KCND2: variants seen among roughly 807,000 people sequenced by gnomAD.
KCND2 encodes potassium voltage-gated channel subfamily D member 2.
Under a neutral mutation model 54.4 loss-of-function variants are expected in KCND2, and 16 were observed. The observed-to-expected ratio is 0.29, with a 90% CI of 0.20 to 0.45. The LOEUF (loss-of-function observed/expected upper bound fraction) is 0.45. Among genes scored for constraint, KCND2 ranks in the 20% least tolerant of loss-of-function variants. The pLI is 1.00. For missense variants in KCND2, 486 were observed against 824.2 expected (o/e 0.59, Z 5.02); for synonymous variants, 317 against 310.7 (o/e 1.02, Z -0.21).
At chr7:120,632,276 C>A (rs1386930389) in intron 1 of KCND2, among the ~76,000 whole-genome samples, 1 of 152,122 alleles carries the variant, frequency 6.6e-6, no homozygotes, top group Admixed American at 6.6e-5. Context: ...TGCACACGTG[C>A]TGAACAGCGA....
At position 120,274,582 on chromosome 7, in the gene KCND2, T is replaced by C. The variant is rs750407287; in HGVS notation, c.-51T>C. On this transcript the variant is annotated 5_prime_UTR_variant, in exon 1 of 6. Coordinates refer to ENST00000331113, the MANE Select transcript of KCND2 (RefSeq NM_012281.3). ...AGTGGGTGACTTTTGGCTGCTTCGG[T>C]GACCCATTGTAGACGCCTCGTTACC... 5 of 1,612,424 alleles carry C rather than the reference T, an allele frequency of 3.1e-6. No individual in the cohort carries two copies. The Admixed American group carries it at 8.3e-5, about 27-fold the overall frequency.
intron 1 of KCND2, among the ~76,000 whole-genome samples, chr7:120,400,120 A>G (rs1801226695): frequency 6.6e-6 from 1 of 152,140 alleles, no homozygotes; most frequent in Admixed American, 6.6e-5. Flanking sequence ...ATAATGCCTT[A>G]CGGAACAGCA....
At chr7:120,602,169 A>T (rs1407686266) in intron 1 of KCND2, among the ~76,000 whole-genome samples, 2 of 152,214 alleles carry the variant, frequency 1.3e-5, no homozygotes, top group East Asian at 1.9e-4. Flanking sequence ...TTAAGGGAAA[A>T]TTTCAACATT....
At position 120,750,070 on chromosome 7, in the gene KCND2, A is replaced by ACTT. The variant is rs953711560; in HGVS notation, c.*2213_*2215dup. ...ATTAGGCTTTTGGAAAAGAAAAAAA[A>ACTT]CTTTTTGATGTTTTAGGTGATTTAA... On this transcript the variant is annotated 3_prime_UTR_variant, in exon 6 of 6. Coordinates refer to ENST00000331113, the MANE Select transcript of KCND2 (RefSeq NM_012281.3). 6.6e-6 allele frequency: 1 copy of ACTT among 152,108 alleles called. No individual in the cohort carries two copies. The highest frequency in any genetic ancestry group is 2.4e-5 in the African/African-American group (1 of 41,416). 9.4% of individuals were successfully genotyped at this position (152,108 alleles called of 1,614,324 possible). A position where few individuals can be genotyped will look rare whatever the true frequency, so the allele number is the denominator to read the frequency against.
intron 1 of KCND2, among the ~76,000 whole-genome samples, chr7:120,398,509 AGTG>A (rs1029560044): frequency 2.6e-5 from 4 of 152,046 alleles, no homozygotes; most frequent in African/African-American, 9.7e-5. Flanking sequence ...GCCTGAATGA[AGTG>A]TCTCTAGAGG....
chr7:120,335,933 T>C (rs1482623749), intron 1 of KCND2, among the ~76,000 whole-genome samples: 1 of 152,230 alleles, frequency 6.6e-6, no homozygotes, highest in Non-Finnish European at 1.5e-5. Context: ...TTTTCTAGTA[T>C]GCTCAAATAC....
chr7:120,535,163 T>C (rs1460102994), intron 1 of KCND2, among the ~76,000 whole-genome samples: 1 of 152,166 alleles, frequency 6.6e-6, no homozygotes, highest in East Asian at 1.9e-4. Flanking sequence ...TCTGCTACGG[T>C]TAAAGCATGA....
chr7:120,610,242 C>T (rs996129413), intron 1 of KCND2, among the ~76,000 whole-genome samples: 2 of 152,110 alleles, frequency 1.3e-5, no homozygotes, highest in Non-Finnish European at 2.9e-5. Context: ...CCTAGCCATA[C>T]TTCTTGGGCT....
intron 2 of KCND2, chr7:120,740,907 ATTTGTTTGTTTG>A (rs3834346): frequency 2.2e-5 from 10 of 453,402 alleles, no homozygotes; most frequent in Middle Eastern, 3.2e-4. Context: ...GTTTTTGTTT[ATTTGTTTGTTTG>A]TTTGTTTGTT....
intron 1 of KCND2, among the ~76,000 whole-genome samples, chr7:120,674,525 T>G (rs761489680): frequency 2.0e-5 from 3 of 152,246 alleles, no homozygotes; most frequent in Admixed American, 6.5e-5. Flanking sequence ...GGTTTAGGCA[T>G]GTCAAATTCT....
intron 1 of KCND2, among the ~76,000 whole-genome samples, chr7:120,732,023 A>C (rs558138871): frequency 6.6e-6 from 1 of 152,262 alleles, no homozygotes; most frequent in East Asian, 1.9e-4. Flanking sequence ...AAATAATCAG[A>C]CCAGACCACT....
intron 1 of KCND2, among the ~76,000 whole-genome samples, chr7:120,547,731 C>G (rs802340): frequency 6.6e-6 from 1 of 151,840 alleles, no homozygotes; most frequent in Non-Finnish European, 1.5e-5. Context: ...AGTGCCAGAA[C>G]GACTAACAGG....
chr7:120,380,669 A>G (rs73431995), intron 1 of KCND2, among the ~76,000 whole-genome samples: 1,663 of 152,186 alleles, frequency 0.011, 34 homozygotes, highest in African/African-American at 0.038. Flanking sequence ...TTATGACATT[A>G]CATATTTTTC....
At chr7:120,746,788 G>T (rs1355442180) in intron 5 of KCND2, 1 of 152,096 alleles carries the variant, frequency 6.6e-6, no homozygotes, top group African/African-American at 2.4e-5. Context: ...TATATTGTTA[G>T]AGTGAGAGTC....
chr7:120,496,541 C>T (rs1462218655), intron 1 of KCND2, among the ~76,000 whole-genome samples: 1 of 152,060 alleles, frequency 6.6e-6, no homozygotes, highest in East Asian at 1.9e-4. Context: ...TCTCCTGCCT[C>T]AGCCTCCTGA....
At chr7:120,475,767 G>C (rs1802525290) in intron 1 of KCND2, among the ~76,000 whole-genome samples, 1 of 152,178 alleles carries the variant, frequency 6.6e-6, no homozygotes, top group African/African-American at 2.4e-5. Flanking sequence ...CATATACAAA[G>C]TGTGTAATGC....
intron 1 of KCND2, among the ~76,000 whole-genome samples, chr7:120,307,721 T>C (rs777453319): frequency 2.0e-5 from 3 of 152,102 alleles, no homozygotes; most frequent in Non-Finnish European, 4.4e-5. Context: ...GTGGAACATA[T>C]CAACGTGTAA....
At chr7:120,474,724 A>G (rs952434459) in intron 1 of KCND2, among the ~76,000 whole-genome samples, 1 of 151,956 alleles carries the variant, frequency 6.6e-6, no homozygotes, top group African/African-American at 2.4e-5. Flanking sequence ...CCCTCTATCT[A>G]ATACTATCCC....
At position 120,381,693 on chromosome 7, in the gene KCND2, A is replaced by G. The variant is rs564006551; in HGVS notation, c.1115+105946A>G. ...AAGTAAGATCTCCGAAAAGTTAGTC[A>G]AAATTAGAGGTTAAAATGATAAAGA... is the stretch of plus-strand genomic sequence containing the variant. On this transcript the variant is annotated intron_variant, in intron 1 of 5. Coordinates refer to ENST00000331113, the MANE Select transcript of KCND2 (RefSeq NM_012281.3). Among the ~76,000 whole-genome samples the G allele has an allele frequency of 1.4e-3, 219 of 152,212 alleles. 1 individual carries two copies. The highest frequency in any genetic ancestry group is 5.2e-3 in the African/African-American group (216 of 41,564).
Sources: gnomAD v4.1 joint callset for allele counts (sites outside exome capture counted in the v4.1 genomes callset) on GRCh38, gnomAD v4.1.1 for gene constraint, MANE v1.5 for transcripts, NCBI Gene and HGNC (gene_info 2026-07-23, HGNC 2026-07-21) for gene names.